Variants in SLC7A14 observed in about 807,000 individuals in gnomAD.
SLC7A14 encodes the protein solute carrier family 7 member 14.
SLC7A14 carries 37 observed loss-of-function variants against 60.2 expected under a neutral mutation model. That is an observed-to-expected ratio of 0.61 (90% CI 0.47 to 0.81). The LOEUF is 0.81. Among genes scored for constraint, SLC7A14 ranks in the 30% least tolerant of loss-of-function variants. SLC7A14 has a pLI of 0.00. For synonymous variants in SLC7A14, 399 were observed against 395.8 expected (o/e 1.01, Z -0.10); for missense variants, 886 against 982.7 (o/e 0.90, Z 1.32).
At position 170,581,698 on chromosome 3, in the gene SLC7A14, A is replaced by T. The variant is rs1391845610; in HGVS notation, c.-153+4213T>A. ...CCATATCTATATAAAATAATAAACC[A>T]TTGCAGATTCAATCATGCTCCTTAC... On this transcript the variant is annotated intron_variant, in intron 1 of 7. Coordinates refer to ENST00000231706, the MANE Select transcript of SLC7A14 (RefSeq NM_020949.3). Among the ~76,000 whole-genome samples the T allele has an allele frequency of 2.0e-5, 3 of 152,294 alleles. No homozygotes were observed. The East Asian group carries it at 5.8e-4, about 29-fold the overall frequency.
At position 170,480,590 on chromosome 3, in the gene SLC7A14, C is replaced by G. The variant is rs371546088; in HGVS notation, c.1692G>C (p.Thr564=). The G allele has an allele frequency of 1.2e-6, 2 of 1,614,186 alleles. No individual in the cohort carries two copies. The highest frequency in any genetic ancestry group is 3.3e-5 in the Admixed American group (2 of 60,022). The change falls in exon 7 of 8, where the codon ACG becomes ACC. Residue 564 remains threonine, a synonymous_variant. Transcript: ENST00000231706. ...AGAGCAGGAGCACGCAGATGGTCAC[C>G]GTGTGCCCCGTCGCTGCTGTGGGCC... ...MDRPTAATGH[T]VTICVLLLFI... is the part of the protein sequence containing the mutation.
intron 7 of SLC7A14, among the ~76,000 whole-genome samples, chr3:170,473,929 A>G (rs567822471): frequency 6.6e-6 from 1 of 152,302 alleles, no homozygotes; most frequent in South Asian, 2.1e-4. Flanking sequence ...AAGTAATGCA[A>G]TCTTGTTAAA....
chr3:170,530,864 C>T (rs77463909), intron 1 of SLC7A14, among the ~76,000 whole-genome samples: 4 of 152,300 alleles, frequency 2.6e-5, no homozygotes, highest in South Asian at 2.1e-4. Flanking sequence ...ACAAGCTGTG[C>T]GCTGCTGGAA....
At chr3:170,563,643 A>G (rs1376523772) in intron 1 of SLC7A14, among the ~76,000 whole-genome samples, 1 of 150,876 alleles carries the variant, frequency 6.6e-6, no homozygotes, top group Non-Finnish European at 1.5e-5. Flanking sequence ...CTAGTCTCGA[A>G]CTCCTGACCT....
intron 2 of SLC7A14, among the ~76,000 whole-genome samples, chr3:170,514,507 T>C (rs1713089698): frequency 6.6e-6 from 1 of 152,262 alleles, no homozygotes; most frequent in Non-Finnish European, 1.5e-5. Context: ...ATAGCACTCG[T>C]CACTGTTTGT....
chr3:170,484,468 C>T (rs1322283552), intron 5 of SLC7A14, among the ~76,000 whole-genome samples: 3 of 152,216 alleles, frequency 2.0e-5, no homozygotes, highest in African/African-American at 4.8e-5. Flanking sequence ...GCCTAACATC[C>T]CTGCCTTCAG....
At chr3:170,547,186 G>T (rs1266455060) in intron 1 of SLC7A14, among the ~76,000 whole-genome samples, 2 of 152,060 alleles carry the variant, frequency 1.3e-5, no homozygotes, top group Non-Finnish European at 2.9e-5. Context: ...ACTGTGTCCT[G>T]CAGATTCTAT....
chr3:170,469,798 T>C (rs1433070279), intron 7 of SLC7A14, among the ~76,000 whole-genome samples: 1 of 152,134 alleles, frequency 6.6e-6, no homozygotes, highest in African/African-American at 2.4e-5. Context: ...TTCTCTGACT[T>C]TGCTTATAGA....
chr3:170,568,366 A>C (rs558966064), intron 1 of SLC7A14, among the ~76,000 whole-genome samples: 16 of 152,130 alleles, frequency 1.1e-4, no homozygotes, highest in Non-Finnish European at 2.2e-4. Flanking sequence ...CCATTGATCT[A>C]TATCTCTGTT....
At chr3:170,580,971 C>T (rs530139815) in intron 1 of SLC7A14, among the ~76,000 whole-genome samples, 1 of 152,222 alleles carries the variant, frequency 6.6e-6, no homozygotes, top group African/African-American at 2.4e-5. Context: ...TTACTTGACG[C>T]ATAAATAGCA....
intron 2 of SLC7A14, among the ~76,000 whole-genome samples, chr3:170,505,714 C>T (rs561443266): frequency 2.6e-5 from 4 of 152,088 alleles, no homozygotes; most frequent in South Asian, 2.1e-4. Flanking sequence ...GGTGAAACAC[C>T]GTCTCTACTA....
chr3:170,569,886 T>A (rs972400086), intron 1 of SLC7A14, among the ~76,000 whole-genome samples: 1 of 152,202 alleles, frequency 6.6e-6, no homozygotes, highest in Admixed American at 6.5e-5. Flanking sequence ...TTGCATCTAT[T>A]TGATTCTTCT....
intron 2 of SLC7A14, among the ~76,000 whole-genome samples, chr3:170,505,896 AAAAG>A (rs1712766225): frequency 6.6e-6 from 1 of 152,094 alleles, no homozygotes; most frequent in African/African-American, 2.4e-5. Flanking sequence ...TCAAAAAAAA[AAAAG>A]AGAGATTAAC....
At chr3:170,534,297 C>T (rs1324757581) in intron 1 of SLC7A14, among the ~76,000 whole-genome samples, 2 of 152,138 alleles carry the variant, frequency 1.3e-5, no homozygotes, top group Non-Finnish European at 1.5e-5. Flanking sequence ...GCTGCTCTTT[C>T]GTGGCACAAC....
Position 170,487,250 on chromosome 3 carries a change from C to A in SLC7A14, c.760-882G>T, listed in dbSNP as rs369255234. The stretch of plus-strand genomic sequence containing the variant: ...ATATATGTCAAAATGTCAGTGAAAA[C>A]CTTCCATTGAAGAGTGGCTACTTTC... On this transcript the variant is annotated intron_variant, in intron 4 of 7. Transcript: ENST00000231706. 6.7e-5 allele frequency among the ~76,000 whole-genome samples: 10 copies of A among 149,228 alleles called. No individual in the cohort carries two copies. In the East Asian group the frequency reaches 1.8e-3, roughly 27 times the overall value.
chr3:170,560,677 T>C (rs1355646579), intron 1 of SLC7A14, among the ~76,000 whole-genome samples: 1 of 152,182 alleles, frequency 6.6e-6, no homozygotes, highest in African/African-American at 2.4e-5. Context: ...AAGGTTTTGG[T>C]TCATGGAAAA....
rs1256726727 is a variant in SLC7A14 at position 170,465,387 on chromosome 3, A to G, written c.*1668T>C. The G allele has an allele frequency of 6.6e-6, 1 of 152,262 alleles. No homozygotes were observed. Among genetic ancestry groups the G allele is most frequent in the East Asian group, 1.9e-4 (1 of 5,208 alleles). 9.4% of individuals were successfully genotyped at this position (152,262 alleles called of 1,614,324 possible). A position where few individuals can be genotyped will look rare whatever the true frequency, so the allele number is the denominator to read the frequency against. On this transcript the variant is annotated 3_prime_UTR_variant, in exon 8 of 8. Coordinates refer to ENST00000231706, the MANE Select transcript of SLC7A14 (RefSeq NM_020949.3). ...CCATGGACTGTAGCCCCCAAGGGCA[A>G]GTGCCATGCTTCTATTCATTCCTGT...
rs534348340 is a variant in SLC7A14, at chr3:170,476,548, C to A, written c.1993+3741G>T. ...TTACAAAAGGCGCTCAGGGAGTTTT[C>A]CTCTGCCTGATAGCTGGAAGGGCAG... On this transcript the variant is annotated intron_variant, in intron 7 of 7. Coordinates refer to ENST00000231706, the MANE Select transcript of SLC7A14 (RefSeq NM_020949.3). 2.4e-4 allele frequency among the ~76,000 whole-genome samples: 36 copies of A among 152,262 alleles called. 2 individuals carry two copies. The South Asian group carries it at 7.3e-3, about 31-fold the overall frequency.
chr3:170,468,278 A>G (rs62293532), intron 7 of SLC7A14, among the ~76,000 whole-genome samples: 27,998 of 152,078 alleles, frequency 0.18, 2,643 homozygotes, highest in East Asian at 0.26. Flanking sequence ...AAAGTCATTT[A>G]TGAGTACCCA....
Sources: gnomAD v4.1 joint callset for allele counts (sites outside exome capture counted in the v4.1 genomes callset) on GRCh38, gnomAD v4.1.1 for gene constraint, MANE v1.5 for transcripts, NCBI Gene and HGNC (gene_info 2026-07-23, HGNC 2026-07-21) for gene names.